MDGA2: variants seen among roughly 807,000 people sequenced by gnomAD.
The protein encoded by MDGA2 is MAM domain containing glycosylphosphatidylinositol anchor 2.
MDGA2 carries 40 observed loss-of-function variants against 117.8 expected under a neutral mutation model. That is an observed-to-expected ratio of 0.34 (90% CI 0.26 to 0.44). The LOEUF (loss-of-function observed/expected upper bound fraction) is 0.44. MDGA2 is among the 20% of genes least tolerant of loss of function. The pLI, the probability that MDGA2 is intolerant of heterozygous loss-of-function variation, is 1.00. For synonymous variants in MDGA2, 452 were observed against 439.0 expected, an observed-to-expected ratio of 1.03 and a Z score of -0.37; for missense variants, 1,123 against 1,250.6, an observed-to-expected ratio of 0.90 and a Z score of 1.54.
intron 1 of MDGA2, among the ~76,000 whole-genome samples, chr14:47,659,935 T>C (rs7160559): frequency 0.29 from 44,245 of 152,066 alleles, 7,007 homozygotes; most frequent in South Asian, 0.45. Context: ...ACATTAGCGC[T>C]ATTTCCAGTG....
chr14:47,350,596 C>T (rs1057329905), intron 1 of MDGA2, among the ~76,000 whole-genome samples: 1 of 151,994 alleles, frequency 6.6e-6, no homozygotes, highest in Non-Finnish European at 1.5e-5. Context: ...TGCGCGCACA[C>T]GTGGGAGTGT....
chr14:47,145,059 C>G (rs770867455), intron 3 of MDGA2, among the ~76,000 whole-genome samples: 2 of 151,914 alleles, frequency 1.3e-5, no homozygotes, highest in Non-Finnish European at 2.9e-5. Context: ...TGATCTTGCA[C>G]AGGACTAAAT....
At chr14:47,424,173 C>G (rs1199594925) in intron 1 of MDGA2, among the ~76,000 whole-genome samples, 1 of 152,106 alleles carries the variant, frequency 6.6e-6, no homozygotes, top group African/African-American at 2.4e-5. Context: ...ATAATCCCAG[C>G]ACTTTGGGAT....
intron 8 of MDGA2, among the ~76,000 whole-genome samples, chr14:47,008,899 G>A (rs995566593): frequency 2.6e-5 from 4 of 151,802 alleles, no homozygotes; most frequent in African/African-American, 9.7e-5. Flanking sequence ...ATTTCTCCCT[G>A]AGCACATCTT....
intron 1 of MDGA2, among the ~76,000 whole-genome samples, chr14:47,404,793 C>T (rs1367125663): frequency 1.3e-5 from 2 of 152,144 alleles, no homozygotes; most frequent in African/African-American, 4.8e-5. Context: ...CATGCCCAGC[C>T]TACCTATCAT....
chr14:46,951,710 A>AT (rs113461683), intron 9 of MDGA2, among the ~76,000 whole-genome samples: 17,871 of 151,706 alleles, frequency 0.12, 2,012 homozygotes, highest in African/African-American at 0.27. Flanking sequence ...CTTGGAAGGG[A>AT]CTTTTCCCCA....
At chr14:47,264,158 A>G (rs897093593) in intron 2 of MDGA2, among the ~76,000 whole-genome samples, 2 of 152,166 alleles carry the variant, frequency 1.3e-5, no homozygotes, top group African/African-American at 4.8e-5. Context: ...AATCTGTCCT[A>G]TATTTGTACT....
chr14:46,893,203 G>A (rs143209040), intron 10 of MDGA2, among the ~76,000 whole-genome samples: 163 of 151,976 alleles, frequency 1.1e-3, no homozygotes, highest in Non-Finnish European at 1.8e-3. Context: ...ACAGCAGGGC[G>A]GACCTAGAAG....
chr14:47,268,302 T>C (rs1170949084), intron 2 of MDGA2, among the ~76,000 whole-genome samples: 4 of 152,148 alleles, frequency 2.6e-5, no homozygotes, highest in Admixed American at 2.0e-4. Flanking sequence ...CTCGAACTCC[T>C]GACCTCATGT....
intron 5 of MDGA2, among the ~76,000 whole-genome samples, chr14:47,105,986 T>TC (rs1458472256): frequency 7.2e-6 from 1 of 138,824 alleles, no homozygotes; most frequent in African/African-American, 2.7e-5. Context: ...CGACTAGCCC[T>TC]CCCCCTCCTG....
Position 47,300,338 on chromosome 14 carries a change from G to A in MDGA2, c.420+1073C>T, listed in dbSNP as rs144884500. Among the ~76,000 whole-genome samples the A allele has an allele frequency of 2.0e-4, 31 of 152,236 alleles. No homozygotes were observed. The East Asian group carries it at 5.2e-3, about 26-fold the overall frequency. On this transcript the variant is annotated intron_variant, in intron 2 of 16. Coordinates refer to ENST00000399232, the MANE Select transcript of MDGA2 (RefSeq NM_001113498.3). Reference sequence around the variant, plus strand: ...CAAATGTGAATTTTGAGCTAGTAAGGTCATTGACAATAAGAATTATCAATT... The same window carrying A: ...CAAATGTGAATTTTGAGCTAGTAAGATCATTGACAATAAGAATTATCAATT...
At chr14:46,959,261 G>A (rs910937080) in intron 8 of MDGA2, among the ~76,000 whole-genome samples, 3,660 of 66,394 alleles carry the variant, frequency 0.055, 95 homozygotes, top group African/African-American at 0.25. Context: ...ATGTGTGTGT[G>A]TGTGTGTGTG....
At chr14:47,063,181 T>G (rs1204572948) in intron 6 of MDGA2, among the ~76,000 whole-genome samples, 1 of 152,016 alleles carries the variant, frequency 6.6e-6, no homozygotes, top group Non-Finnish European at 1.5e-5. Flanking sequence ...AGTTTCAATC[T>G]CAGAGGACAG....
chr14:47,237,340 C>T (rs541486543), intron 2 of MDGA2, among the ~76,000 whole-genome samples: 17 of 152,266 alleles, frequency 1.1e-4, no homozygotes, highest in African/African-American at 3.4e-4. Context: ...ATTTTACGCC[C>T]GGGTCTCCCA....
At chr14:47,058,487 C>T in intron 7 of MDGA2, 1 of 975,730 alleles carries the variant, frequency 1.0e-6, no homozygotes, top group East Asian at 1.1e-4. Context: ...TCCTCAGTAT[C>T]CTCCAGGGTT....
At chr14:47,440,327 G>C (rs1425863928) in intron 1 of MDGA2, among the ~76,000 whole-genome samples, 3 of 152,088 alleles carry the variant, frequency 2.0e-5, no homozygotes, top group Non-Finnish European at 4.4e-5. Flanking sequence ...TATTACCAGA[G>C]TTCCCCTGAG....
chr14:46,843,992 G>A (rs569735080), intron 16 of MDGA2, among the ~76,000 whole-genome samples: 120 of 152,206 alleles, frequency 7.9e-4, no homozygotes, highest in South Asian at 2.5e-3. Context: ...TCATAGCTTC[G>A]AATGTGAAAT....
At chr14:47,607,686 C>G (rs960117084) in intron 1 of MDGA2, among the ~76,000 whole-genome samples, 1 of 152,050 alleles carries the variant, frequency 6.6e-6, no homozygotes, top group East Asian at 1.9e-4. Context: ...ATGGACAAAG[C>G]AGGAAGTTCC....
At chr14:47,250,903 C>G (rs983910007) in intron 2 of MDGA2, among the ~76,000 whole-genome samples, 1 of 152,138 alleles carries the variant, frequency 6.6e-6, no homozygotes, top group Non-Finnish European at 1.5e-5. Flanking sequence ...CTGGGAGGAG[C>G]TGCATCTCCA....
Sources: gnomAD v4.1 joint callset for allele counts (sites outside exome capture counted in the v4.1 genomes callset) on GRCh38, gnomAD v4.1.1 for gene constraint, MANE v1.5 for transcripts, NCBI Gene and HGNC (gene_info 2026-07-23, HGNC 2026-07-21) for gene names.